Variants in MAP4K4 observed in about 807,000 individuals in gnomAD.
MAP4K4 encodes mitogen-activated protein kinase kinase kinase kinase 4.
MAP4K4 carries 38 observed loss-of-function variants against 189.6 expected under a neutral mutation model. The ratio of observed to expected loss-of-function variants is 0.20; its 90% confidence interval spans 0.15 to 0.26. The LOEUF (loss-of-function observed/expected upper bound fraction) is 0.26. Ranked by LOEUF, MAP4K4 falls within the 10% of genes least tolerant of loss-of-function variation. The probability of loss-of-function intolerance (pLI) is 1.00; values close to 1 mark genes in which losing one functional copy is unlikely to be tolerated. For missense variants in MAP4K4, 1,054 were observed against 1,726.9 expected, an observed-to-expected ratio of 0.61 and a Z score of 6.91; for synonymous variants, 610 against 624.3, an observed-to-expected ratio of 0.98 and a Z score of 0.34.
chr2:101,702,610 A>G (rs555410008), intron 2 of MAP4K4, among the ~76,000 whole-genome samples: 4 of 152,294 alleles, frequency 2.6e-5, no homozygotes, highest in African/African-American at 9.6e-5. Context: ...CCTGAGGACA[A>G]TTCTGAGTCT....
rs544681875 is a variant in MAP4K4, at chr2:101,810,282, A to G, written c.181-13646A>G. On this transcript the variant is annotated intron_variant, in intron 3 of 32. Transcript: ENST00000324219. ...AAGGGATGTTTATAGAGAAGATTCC[A>G]TAGTACCCCTGTGGGTTTTTTTTAA... Among the ~76,000 whole-genome samples, 10 of 151,756 alleles carry G rather than the reference A, an allele frequency of 6.6e-5. 1 individual carries two copies. The highest frequency in any genetic ancestry group is 2.1e-4 in the South Asian group (1 of 4,802).
intron 2 of MAP4K4, among the ~76,000 whole-genome samples, chr2:101,753,719 A>T (rs1050094120): frequency 6.7e-4 from 102 of 151,504 alleles, no homozygotes; most frequent in African/African-American, 2.4e-3. Context: ...AGTCTGGAAG[A>T]CAGTCTGTTT....
At position 101,887,024 on chromosome 2, in the gene MAP4K4, CAA is replaced by C. The variant is rs569902749; in HGVS notation, c.3622-45_3622-44del. The C allele has an allele frequency of 0.17, 143,937 of 825,024 alleles. 2,189 individuals carry two copies. The highest frequency in any genetic ancestry group is 0.25 in the African/African-American group (11,406 of 45,300). 51.1% of individuals were successfully genotyped at this position (825,024 alleles called of 1,614,324 possible). A position where few individuals can be genotyped will look rare whatever the true frequency, so the allele number is the denominator to read the frequency against. ...TGGGTGACAGAGCGAGACTCCGTCT[CAA>C]AAAAAAAAAAAAAAAAAATGTTCTC... On this transcript the variant is annotated intron_variant, in intron 29 of 32. Transcript: ENST00000324219.
chr2:101,844,357 G>A, intron 12 of MAP4K4, 46 bp downstream of exon 12: 1 of 1,484,436 alleles, frequency 6.7e-7, no homozygotes, highest in Non-Finnish European at 9.2e-7. Context: ...TTCTCTTTCT[G>A]CATTTACACT....
intron 2 of MAP4K4, among the ~76,000 whole-genome samples, chr2:101,781,952 A>T (rs2087802176): frequency 6.6e-6 from 1 of 152,202 alleles, no homozygotes; most frequent in Non-Finnish European, 1.5e-5. Flanking sequence ...CTGAACAAGC[A>T]TGCAGAGCCC....
At chr2:101,826,722 A>G (rs1252071648) in intron 5 of MAP4K4, among the ~76,000 whole-genome samples, 4 of 152,170 alleles carry the variant, frequency 2.6e-5, no homozygotes, top group African/African-American at 7.2e-5. Context: ...AGCACACCCT[A>G]TGTTATTCAA....
chr2:101,702,129 G>A (rs1276990536), intron 2 of MAP4K4, among the ~76,000 whole-genome samples: 1 of 152,082 alleles, frequency 6.6e-6, no homozygotes, highest in Non-Finnish European at 1.5e-5. Context: ...CCAAAATGCT[G>A]GGATTGTATA....
chr2:101,782,838 G>T (rs2088423359), intron 2 of MAP4K4, among the ~76,000 whole-genome samples: 1 of 152,272 alleles, frequency 6.6e-6, no homozygotes, highest in African/African-American at 2.4e-5. Flanking sequence ...TCCCACTTTG[G>T]TAATTTTGGA....
intron 5 of MAP4K4, among the ~76,000 whole-genome samples, chr2:101,829,164 A>C (rs2096500886): frequency 6.6e-6 from 1 of 152,214 alleles, no homozygotes. Context: ...CTAGACATTT[A>C]GCGTGGGAAA....
At chr2:101,807,263 G>A (rs1421237528) in intron 3 of MAP4K4, among the ~76,000 whole-genome samples, 1 of 151,596 alleles carries the variant, frequency 6.6e-6, no homozygotes, top group Non-Finnish European at 1.5e-5. Flanking sequence ...TCACTATATT[G>A]CCCAGGCTAG....
chr2:101,752,261 G>C (rs1167086105), intron 2 of MAP4K4, among the ~76,000 whole-genome samples: 2 of 152,146 alleles, frequency 1.3e-5, no homozygotes, highest in African/African-American at 4.8e-5. Flanking sequence ...AAGATTTCTT[G>C]AAAGTTGATG....
chr2:101,797,237 T>C, intron 3 of MAP4K4: 1 of 1,290,492 alleles, frequency 7.7e-7, no homozygotes, highest in Non-Finnish European at 1.0e-6. Flanking sequence ...TATTGTTCTA[T>C]TCTGTTATTC....
At chr2:101,820,257 CAG>C (rs2095966716) in intron 3 of MAP4K4, among the ~76,000 whole-genome samples, 2 of 152,102 alleles carry the variant, frequency 1.3e-5, no homozygotes, top group South Asian at 2.1e-4. Flanking sequence ...AAGCTACTGG[CAG>C]AGTGTGATAG....
chr2:101,698,324 G>T, intron 1 of MAP4K4, 149 bp from the exon 2 acceptor site: 2 of 793,392 alleles, frequency 2.5e-6, no homozygotes, highest in Non-Finnish European at 2.1e-6. Flanking sequence ...CACGCCCCGA[G>T]CCCGCCGCGC....
chr2:101,734,838 C>T (rs1297532354), intron 2 of MAP4K4, among the ~76,000 whole-genome samples: 1 of 152,104 alleles, frequency 6.6e-6, no homozygotes, highest in Admixed American at 6.6e-5. Flanking sequence ...GGAGCCTTAG[C>T]CTGGGGTGAT....
At chr2:101,842,830 C>A in intron 11 of MAP4K4, 149 bp downstream of exon 11, 1 of 567,010 alleles carries the variant, frequency 1.8e-6, no homozygotes, top group Non-Finnish European at 3.1e-6. Flanking sequence ...CTATTCTTGA[C>A]AGATTCCTGT....
At chr2:101,834,178 CCCTT>C (rs2096670368) in intron 7 of MAP4K4, among the ~76,000 whole-genome samples, 2 of 131,136 alleles carry the variant, frequency 1.5e-5, no homozygotes, top group Non-Finnish European at 1.6e-5. Flanking sequence ...TTCCTTCCCT[CCCTT>C]CCCTCCCTCC....
chr2:101,748,313 A>T (rs1213727563), intron 2 of MAP4K4, among the ~76,000 whole-genome samples: 1 of 152,198 alleles, frequency 6.6e-6, no homozygotes, highest in Non-Finnish European at 1.5e-5. Context: ...GCCTCTGTGT[A>T]TATGGAAGTA....
chr2:101,785,968 G>A (rs1249853760), intron 2 of MAP4K4, among the ~76,000 whole-genome samples: 9 of 152,070 alleles, frequency 5.9e-5, no homozygotes, highest in Non-Finnish European at 1.3e-4. Flanking sequence ...TGGGATTATA[G>A]GCGCCCGCCA....
Sources: gnomAD v4.1 joint callset for allele counts (sites outside exome capture counted in the v4.1 genomes callset) on GRCh38, gnomAD v4.1.1 for gene constraint, MANE v1.5 for transcripts, NCBI Gene and HGNC (gene_info 2026-07-23, HGNC 2026-07-21) for gene names.